UNC5B: variants seen among roughly 807,000 people sequenced by gnomAD.
UNC5B encodes the protein unc-5 netrin receptor B.
In UNC5B, 56 loss-of-function variants were observed where a neutral mutation model predicts 103.7. The ratio of observed to expected loss-of-function variants is 0.54; its 90% CI spans 0.44 to 0.67. The LOEUF is 0.67. Among genes scored for constraint, UNC5B ranks in the 30% least tolerant of loss-of-function variants. The pLI is 0.00. For synonymous variants in UNC5B, 577 were observed against 542.0 expected (o/e 1.06, Z -0.90); for missense variants, 1,194 against 1,284.5 (o/e 0.93, Z 1.08).
chr10:71,285,695 G>A lies in UNC5B; in HGVS notation c.552+266G>A, dbSNP rs529512285. On this transcript the variant is annotated intron_variant, in intron 4 of 16. Transcript: ENST00000335350. ...ATCCCCAGAACTCAGGGGCTCCTTA[G>A]GTAGACCTCCAGCTCAGTCTCTATC... is the stretch of plus-strand genomic sequence containing the variant. 3.3e-5 allele frequency among the ~76,000 whole-genome samples: 5 copies of A among 152,318 alleles called. 1 individual carries two copies. The highest frequency in any genetic ancestry group is 1.2e-4 in the African/African-American group (5 of 41,572).
chr10:71,272,634 C>G (rs74560904), intron 1 of UNC5B, among the ~76,000 whole-genome samples: 1,536 of 152,324 alleles, frequency 0.01, 19 homozygotes, highest in African/African-American at 0.034. Context: ...CAACTGGGCT[C>G]TGGTCCAGCT....
At chr10:71,282,111 C>T (rs1844945483) in intron 2 of UNC5B, among the ~76,000 whole-genome samples, 1 of 152,198 alleles carries the variant, frequency 6.6e-6, no homozygotes, top group African/African-American at 2.4e-5. Flanking sequence ...CAGGCCCTGC[C>T]AGCCCTAGAA....
intron 4 of UNC5B, 58 bp downstream of exon 4, chr10:71,285,487 A>G (rs896949500): frequency 7.7e-6 from 11 of 1,430,034 alleles, no homozygotes; most frequent in Non-Finnish European, 1.0e-5. Flanking sequence ...TGCAGAAGCC[A>G]GGCAGGCATG....
chr10:71,269,362 C>T (rs1844594827), intron 1 of UNC5B, among the ~76,000 whole-genome samples: 1 of 123,542 alleles, frequency 8.1e-6, no homozygotes, highest in South Asian at 3.2e-4. Context: ...CACAACTTCT[C>T]CTTTCCTGGG....
At position 71,291,726 on chromosome 10, in the gene UNC5B, GT is replaced by G; in HGVS notation, c.1591del (p.Ser531ProfsTer71). 1 of 1,612,126 alleles carries G rather than the reference GT, an allele frequency of 6.2e-7. No individual in the cohort carries two copies. Among genetic ancestry groups the G allele is most frequent in the Non-Finnish European group, 8.5e-7 (1 of 1,179,966 alleles). On this transcript the variant is annotated frameshift_variant, in exon 10 of 17. Transcript: ENST00000335350. LOFTEE classifies it high-confidence loss of function. The part of the protein sequence containing the change: ...HFLHLRSASL[G>X]SQQLLGLPRD... ...CTGCACCTGCGCAGCGCCAGCCTCG[GT>G]TCCCAGCAGCTCTTGGGCCTGCCCC... is the stretch of plus-strand genomic sequence containing the variant.
chr10:71,285,369 GC>G lies in UNC5B; in HGVS notation c.496del (p.Leu166TrpfsTer80). On this transcript the variant is annotated frameshift_variant, in exon 4 of 17. Transcript: ENST00000335350. LOFTEE classifies it high-confidence loss of function. ...FDQEPLGKEV[P>X]LDHEVLLQCR... is the part of the protein sequence containing the mutation. Reference sequence around the variant, plus strand: ...ATCAGGAGCCTCTGGGCAAGGAGGTGCCCCTGGACCATGAGGTTCTCCTGCA... The same window carrying G: ...ATCAGGAGCCTCTGGGCAAGGAGGTGCCCTGGACCATGAGGTTCTCCTGCA... The G allele has an allele frequency of 6.2e-7, 1 of 1,611,556 alleles. No individual in the cohort carries two copies. Among genetic ancestry groups the G allele is most frequent in the Non-Finnish European group, 8.5e-7 (1 of 1,179,280 alleles).
intron 1 of UNC5B, among the ~76,000 whole-genome samples, chr10:71,260,752 GGGA>G (rs1236133666): frequency 6.6e-6 from 1 of 152,228 alleles, no homozygotes; most frequent in Non-Finnish European, 1.5e-5. Context: ...GCCAGAAGAC[GGGA>G]GGAGGAGGTA....
chr10:71,229,401 T>G (rs894018196), intron 1 of UNC5B, among the ~76,000 whole-genome samples: 2 of 152,204 alleles, frequency 1.3e-5, no homozygotes, highest in African/African-American at 4.8e-5. Context: ...AGCCTGAGAA[T>G]TCTGCTTTCC....
chr10:71,294,191 A>G (rs1014795775), intron 13 of UNC5B, among the ~76,000 whole-genome samples: 3 of 152,344 alleles, frequency 2.0e-5, no homozygotes, highest in African/African-American at 7.2e-5. Flanking sequence ...CTGAGGGAGC[A>G]TCAGACTGGG....
chr10:71,283,358 C>CTT (rs1456556584), intron 2 of UNC5B, among the ~76,000 whole-genome samples: 1 of 152,318 alleles, frequency 6.6e-6, no homozygotes, highest in East Asian at 1.9e-4. Flanking sequence ...GTCACCATAA[C>CTT]TTGTCTAGAG....
intron 1 of UNC5B, among the ~76,000 whole-genome samples, chr10:71,240,508 G>A (rs776527091): frequency 1.2e-4 from 18 of 152,234 alleles, no homozygotes; most frequent in Non-Finnish European, 2.1e-4. Flanking sequence ...GGGTGGACAC[G>A]GGTGATGAGG....
chr10:71,234,150 T>G (rs1243120601), intron 1 of UNC5B, among the ~76,000 whole-genome samples: 1 of 151,890 alleles, frequency 6.6e-6, no homozygotes, highest in Non-Finnish European at 1.5e-5. Flanking sequence ...GAAATTAACC[T>G]CGGGGGTGGG....
intron 1 of UNC5B, among the ~76,000 whole-genome samples, chr10:71,255,929 C>T (rs139993020): frequency 6.6e-6 from 1 of 152,200 alleles, no homozygotes; most frequent in Non-Finnish European, 1.5e-5. Flanking sequence ...CTGCTCTGAG[C>T]CCCCACGGTG....
At chr10:71,214,063 A>G (rs1352794606) in intron 1 of UNC5B, among the ~76,000 whole-genome samples, 1 of 152,018 alleles carries the variant, frequency 6.6e-6, no homozygotes, top group Non-Finnish European at 1.5e-5. Flanking sequence ...TGGTACCCGA[A>G]CCCAAGCAAG....
chr10:71,230,603 C>T (rs992414294), intron 1 of UNC5B, among the ~76,000 whole-genome samples: 5 of 152,266 alleles, frequency 3.3e-5, no homozygotes, highest in African/African-American at 1.2e-4. Context: ...CCTCCCCCCA[C>T]ATCCCTGGAG....
chr10:71,298,974 A>T, intron 16 of UNC5B, 138 bp from the exon 17 acceptor site: 4 of 1,080,720 alleles, frequency 3.7e-6, no homozygotes, highest in Non-Finnish European at 5.4e-6. Context: ...ACTGCAGCAC[A>T]GTAGCTGCAA....
At chr10:71,297,785 G>T in intron 15 of UNC5B, 124 bp from the exon 16 acceptor site, 1 of 1,088,318 alleles carries the variant, frequency 9.2e-7, no homozygotes, top group Non-Finnish European at 1.3e-6. Context: ...CTGAACAGTG[G>T]GAGTCTGTCC....
At chr10:71,268,220 C>T (rs1844563816) in intron 1 of UNC5B, among the ~76,000 whole-genome samples, 1 of 152,266 alleles carries the variant, frequency 6.6e-6, no homozygotes, top group African/African-American at 2.4e-5. Context: ...GGCTCTTTCT[C>T]CCTCTCCTCG....
chr10:71,258,350 C>T (rs1290972135), intron 1 of UNC5B, among the ~76,000 whole-genome samples: 1 of 152,204 alleles, frequency 6.6e-6, no homozygotes, highest in Non-Finnish European at 1.5e-5. Flanking sequence ...CTCTGCCCAC[C>T]TGCTGGCCAA....
Sources: gnomAD v4.1 joint callset for allele counts (sites outside exome capture counted in the v4.1 genomes callset) on GRCh38, gnomAD v4.1.1 for gene constraint, MANE v1.5 for transcripts, NCBI Gene and HGNC (gene_info 2026-07-23, HGNC 2026-07-21) for gene names.